Variants in PCYT1B observed in about 807,000 individuals in gnomAD.
PCYT1B encodes choline-phosphate cytidylyltransferase B.
PCYT1B carries 10 observed loss-of-function variants against 26.4 expected under a neutral mutation model. That is an observed-to-expected ratio of 0.38 (90% CI 0.23 to 0.64). The LOEUF is 0.64. Among genes scored for constraint, PCYT1B ranks in the 30% least tolerant of loss-of-function variants. The pLI, the probability that PCYT1B is intolerant of heterozygous loss-of-function variation, is 0.56. For synonymous variants in PCYT1B, 131 were observed against 108.4 expected (o/e 1.21, Z -1.29); for missense variants, 161 against 292.7 (o/e 0.55, Z 3.28).
At chrX:24,563,818 C>T (rs757219652) in intron 7 of PCYT1B, among the ~76,000 whole-genome samples, 1 of 111,745 alleles carries the variant, frequency 8.9e-6, no homozygotes, top group East Asian at 2.8e-4. Context: ...ACCATTCTGA[C>T]TGCTGTGTTG....
In PCYT1B at chrX:24,667,543, C is replaced by T. The variant is rs937565626; in HGVS notation, c.63+5027G>A. Among the ~76,000 whole-genome samples the T allele has an allele frequency of 3.3e-4, 36 of 110,377 alleles. No individual in the cohort carries two copies. The South Asian group carries it at 4.3e-3, about 13-fold the overall frequency. On this transcript the variant is annotated intron_variant, in intron 1 of 7. Coordinates refer to the PCYT1B transcript ENST00000379145. ...ACCAGCCTTGCCAACATGGTGAAAT[C>T]CCGTCTCTACTAAAAGTACAAAAAT...
intron 1 of PCYT1B, among the ~76,000 whole-genome samples, chrX:24,630,798 C>T (rs1019569145): frequency 5.3e-5 from 6 of 112,363 alleles, no homozygotes; most frequent in Non-Finnish European, 1.1e-4. Flanking sequence ...TTTCCTGATG[C>T]TGAGTTCTGA....
intron 1 of PCYT1B, among the ~76,000 whole-genome samples, chrX:24,660,270 C>A (rs1048889267): frequency 8.9e-6 from 1 of 111,924 alleles, no homozygotes; most frequent in Admixed American, 9.5e-5. Context: ...AGTGAGAAAC[C>A]CTATTTGTGT....
At chrX:24,601,386 G>A (rs1347475052) in intron 3 of PCYT1B, among the ~76,000 whole-genome samples, 5 of 109,818 alleles carry the variant, frequency 4.6e-5, no homozygotes, top group South Asian at 3.9e-4. Context: ...CCAGCTACTC[G>A]GGAGGCTGAG....
intron 1 of PCYT1B, among the ~76,000 whole-genome samples, chrX:24,665,535 C>T (rs376910243): frequency 6.3e-5 from 7 of 111,108 alleles, no homozygotes; most frequent in African/African-American, 2.3e-4. Flanking sequence ...AGGTGATCCA[C>T]CTGCCTCGGC....
chrX:24,630,456 C>T (rs761915350), intron 1 of PCYT1B, among the ~76,000 whole-genome samples: 15 of 110,825 alleles, frequency 1.4e-4, no homozygotes, highest in East Asian at 2.8e-4. Flanking sequence ...CCACCACGCC[C>T]GGCTAATTTT....
chrX:24,588,440 T>C (rs1924443315), intron 4 of PCYT1B, among the ~76,000 whole-genome samples: 2 of 111,732 alleles, frequency 1.8e-5, no homozygotes, highest in Admixed American at 9.6e-5. Flanking sequence ...AAGCAAACAC[T>C]CCTTGCCTAG....
At chrX:24,608,134 G>A (rs1041203612) in intron 2 of PCYT1B, among the ~76,000 whole-genome samples, 14 of 106,553 alleles carry the variant, frequency 1.3e-4, no homozygotes, top group African/African-American at 5.4e-4. Context: ...ACCCAGAGTG[G>A]AGTCTAGGTG....
chrX:24,585,668 G>A (rs1924348139), intron 5 of PCYT1B, among the ~76,000 whole-genome samples: 1 of 111,398 alleles, frequency 9.0e-6, no homozygotes, highest in African/African-American at 3.3e-5. Context: ...TCCCATGCCA[G>A]GCCAGAGTGC....
intron 3 of PCYT1B, among the ~76,000 whole-genome samples, chrX:24,600,589 G>C (rs960980512): frequency 9.0e-6 from 1 of 110,710 alleles, no homozygotes; most frequent in East Asian, 2.8e-4. Flanking sequence ...AGCTCAAGTA[G>C]GGCCTCAGAG....
At chrX:24,654,146 A>T in intron 1 of PCYT1B, among the ~76,000 whole-genome samples, 1 of 73,062 alleles carries the variant, frequency 1.4e-5, no homozygotes, top group African/African-American at 5.6e-5. Flanking sequence ...TCTGTTGCCC[A>T]GGCTGGAGTG....
chrX:24,654,378 A>T (rs1377605381), intron 1 of PCYT1B, among the ~76,000 whole-genome samples: 10 of 103,063 alleles, frequency 9.7e-5, no homozygotes, highest in Non-Finnish European at 2.0e-4. Context: ...AAGTGCTGGG[A>T]TTACAGGCGT....
At chrX:24,564,123 A>C (rs932074711) in intron 7 of PCYT1B, among the ~76,000 whole-genome samples, 1 of 109,108 alleles carries the variant, frequency 9.2e-6, no homozygotes, top group African/African-American at 3.3e-5. Flanking sequence ...TGGAGGTTGC[A>C]GTGAGCCGAG....
intron 3 of PCYT1B, among the ~76,000 whole-genome samples, chrX:24,600,574 C>T (rs1382222996): frequency 1.8e-5 from 2 of 110,801 alleles, no homozygotes; most frequent in African/African-American, 6.6e-5. Flanking sequence ...GGTTTTACCT[C>T]CAGGAGCTCA....
intron 2 of PCYT1B, among the ~76,000 whole-genome samples, chrX:24,613,710 T>C (rs1925382131): frequency 9.1e-6 from 1 of 109,892 alleles, no homozygotes; most frequent in Non-Finnish European, 1.9e-5. Flanking sequence ...CCCAGCACTT[T>C]GGGAAGCTAA....
At chrX:24,584,541 C>A (rs1924307147) in intron 5 of PCYT1B, among the ~76,000 whole-genome samples, 1 of 111,620 alleles carries the variant, frequency 9.0e-6, no homozygotes, top group South Asian at 3.8e-4. Context: ...ATGCTCTTGA[C>A]TTCTCAGGAA....
At chrX:24,626,161 C>T (rs929233498) in intron 1 of PCYT1B, among the ~76,000 whole-genome samples, 2 of 111,237 alleles carry the variant, frequency 1.8e-5, no homozygotes, top group Non-Finnish European at 3.8e-5. Flanking sequence ...TAGAACTGTG[C>T]TAATATGGTA....
chrX:24,662,461 A>G (rs1390036189), intron 1 of PCYT1B, among the ~76,000 whole-genome samples: 5 of 111,429 alleles, frequency 4.5e-5, no homozygotes, highest in African/African-American at 1.6e-4. Context: ...CTGTAAGATA[A>G]TGGCTCTGCC....
intron 1 of PCYT1B, among the ~76,000 whole-genome samples, chrX:24,660,859 T>C (rs1172633746): frequency 1.8e-5 from 2 of 111,224 alleles, no homozygotes; most frequent in Non-Finnish European, 3.8e-5. Flanking sequence ...CAAAATGGTC[T>C]GGATAACAAC....
Sources: gnomAD v4.1 joint callset for allele counts (sites outside exome capture counted in the v4.1 genomes callset) on GRCh38, gnomAD v4.1.1 for gene constraint, MANE v1.5 for transcripts, NCBI Gene and HGNC (gene_info 2026-07-23, HGNC 2026-07-21) for gene names.